The following AGBL1 variants were observed in gnomAD, a reference collection of about 807,000 sequenced individuals.
The protein encoded by AGBL1 is cytosolic carboxypeptidase 4.
AGBL1 carries 130 observed loss-of-function variants against 118.9 expected under a neutral mutation model. That is an observed-to-expected ratio of 1.09 (90% CI 0.95 to 1.26). AGBL1 has a LOEUF of 1.26. Among genes scored for constraint, AGBL1 ranks in the 50% most tolerant of loss-of-function variants. The pLI is 0.00. For synonymous variants in AGBL1, 555 were observed against 478.9 expected, an observed-to-expected ratio of 1.16 and a Z score of -2.08; for missense variants, 1,584 against 1,298.1, an observed-to-expected ratio of 1.22 and a Z score of -3.38.
At chr15:86,452,982 CA>C (rs1284517623) in intron 18 of AGBL1, among the ~76,000 whole-genome samples, 5 of 152,208 alleles carry the variant, frequency 3.3e-5, no homozygotes, top group Non-Finnish European at 5.9e-5. Context: ...GTGCTTTCTA[CA>C]TAGCACATCC....
At chr15:86,114,845 G>C (rs1413137208) in intron 1 of AGBL1, among the ~76,000 whole-genome samples, 1 of 152,222 alleles carries the variant, frequency 6.6e-6, no homozygotes, top group Non-Finnish European at 1.5e-5. Flanking sequence ...AACGCTACAA[G>C]TCTGTTTCTC....
At chr15:86,541,788 T>A (rs2083501214) in intron 19 of AGBL1, among the ~76,000 whole-genome samples, 1 of 152,024 alleles carries the variant, frequency 6.6e-6, no homozygotes, top group South Asian at 2.1e-4. Flanking sequence ...CTGAGCCAAT[T>A]TTTTTCAAGA....
intron 22 of AGBL1, among the ~76,000 whole-genome samples, chr15:86,741,415 A>AAAAAAAAAAAAAAAG (rs2077677872): frequency 7.6e-6 from 1 of 132,228 alleles, no homozygotes; most frequent in African/African-American, 2.8e-5. Flanking sequence ...AAAAAAAAAA[A>AAAAAAAAAAAAAAAG]AAAAAAGAAT....
chr15:87,022,347 A>ATGTT (rs1341353943), intron 24 of AGBL1, among the ~76,000 whole-genome samples: 1 of 152,066 alleles, frequency 6.6e-6, no homozygotes, highest in Non-Finnish European at 1.5e-5. Flanking sequence ...AGAATTCAGG[A>ATGTT]TGTTAGTTAT....
rs150693425 is a variant in AGBL1, at chr15:86,964,990, C to T, written c.3222-22997C>T. On this transcript the variant is annotated intron_variant, in intron 23 of 24. Coordinates refer to the AGBL1 transcript ENST00000441037. The stretch of plus-strand genomic sequence containing the variant: ...CCTTTTTTACAGCTGCATAGTATTC[C>T]GTGGTGTATATGTGCCACATTTTCT... 5.8e-3 allele frequency among the ~76,000 whole-genome samples: 883 copies of T among 152,214 alleles called. 6 individuals are homozygous for T. The highest frequency in any genetic ancestry group is 0.02 in the African/African-American group (840 of 41,536).
At chr15:86,859,319 A>T (rs1446725333) in intron 22 of AGBL1, among the ~76,000 whole-genome samples, 1 of 152,226 alleles carries the variant, frequency 6.6e-6, no homozygotes, top group East Asian at 1.9e-4. Context: ...TGTGCAAAGG[A>T]TATTCATGGG....
intron 19 of AGBL1, among the ~76,000 whole-genome samples, chr15:86,524,538 T>A (rs1264343285): frequency 6.6e-6 from 1 of 152,068 alleles, no homozygotes; most frequent in Non-Finnish European, 1.5e-5. Context: ...GTGTCCAGGG[T>A]TTTTGTTGGG....
chr15:86,896,460 C>A (rs1440382595), intron 22 of AGBL1, among the ~76,000 whole-genome samples: 1 of 151,140 alleles, frequency 6.6e-6, no homozygotes, highest in African/African-American at 2.4e-5. Flanking sequence ...CTCAAGTTTT[C>A]ACCAACAAGA....
intron 24 of AGBL1, among the ~76,000 whole-genome samples, chr15:86,990,912 G>A (rs1323805768): frequency 6.6e-6 from 1 of 152,120 alleles, no homozygotes; most frequent in Non-Finnish European, 1.5e-5. Flanking sequence ...TGCTTTATCT[G>A]GCTATGATTC....
intron 23 of AGBL1, among the ~76,000 whole-genome samples, chr15:86,951,507 T>C (rs2080880383): frequency 6.6e-6 from 1 of 152,228 alleles, no homozygotes; most frequent in African/African-American, 2.4e-5. Context: ...AAAGTGCAGC[T>C]GTACATGACA....
chr15:86,233,951 C>G lies in AGBL1; in HGVS notation c.526+9000C>G, dbSNP rs1315052584. On this transcript the variant is annotated intron_variant, in intron 6 of 22. Transcript: ENST00000614907. ...TCCCAGGCACCCATTCTGGGTCCAACACAGCTGTGGATGGTGGTGTTGAGT... is the reference window on the plus strand; with the variant it reads ...TCCCAGGCACCCATTCTGGGTCCAAGACAGCTGTGGATGGTGGTGTTGAGT... Among the ~76,000 whole-genome samples, 3 of 152,152 alleles carry G rather than the reference C, an allele frequency of 2.0e-5. No individual in the cohort carries two copies. In the South Asian group the frequency reaches 6.2e-4, roughly 32 times the overall value.
intron 5 of AGBL1, among the ~76,000 whole-genome samples, chr15:86,190,815 G>A (rs1196927692): frequency 2.0e-5 from 3 of 152,170 alleles, no homozygotes; most frequent in Non-Finnish European, 4.4e-5. Flanking sequence ...AACATAGAAG[G>A]TAACAATGTA....
At chr15:86,196,871 GCGCGCGCGCACACACACACACACACA>G (rs2077815996) in intron 5 of AGBL1, among the ~76,000 whole-genome samples, 2 of 99,628 alleles carry the variant, frequency 2.0e-5, no homozygotes, top group Middle Eastern at 4.9e-3. Context: ...GCACATGTGC[GCGCGCGCGCACACACACACACACACA>G]CACACACACA....
At chr15:86,198,768 G>A (rs370204652) in intron 5 of AGBL1, among the ~76,000 whole-genome samples, 7 of 152,020 alleles carry the variant, frequency 4.6e-5, no homozygotes, top group African/African-American at 9.7e-5. Context: ...CAAGAAGGGC[G>A]CCCTTAGCAG....
chr15:86,433,530 TG>T (rs2081965474), intron 18 of AGBL1, among the ~76,000 whole-genome samples: 1 of 152,134 alleles, frequency 6.6e-6, no homozygotes, highest in Non-Finnish European at 1.5e-5. Context: ...GCCCCTTGAC[TG>T]ACAGAGCAGC....
At chr15:86,854,110 C>T (rs2079445158) in intron 22 of AGBL1, among the ~76,000 whole-genome samples, 1 of 152,180 alleles carries the variant, frequency 6.6e-6, no homozygotes, top group Non-Finnish European at 1.5e-5. Context: ...TCTCCCTCCT[C>T]TGCATTTTCC....
intron 24 of AGBL1, among the ~76,000 whole-genome samples, chr15:87,004,525 G>C (rs566008613): frequency 2.6e-5 from 4 of 151,510 alleles, no homozygotes; most frequent in South Asian, 4.2e-4. Context: ...GCCTTTTTTT[G>C]TTTTCCATTT....
chr15:86,643,529 C>G (rs562194654), intron 21 of AGBL1, among the ~76,000 whole-genome samples: 1 of 152,152 alleles, frequency 6.6e-6, no homozygotes, highest in South Asian at 2.1e-4. Flanking sequence ...TTGTCGCTAA[C>G]TTCTCTTTTT....
intron 18 of AGBL1, among the ~76,000 whole-genome samples, chr15:86,500,893 C>A (rs73457643): frequency 0.08 from 12,063 of 151,728 alleles, 1,662 homozygotes; most frequent in African/African-American, 0.28. Context: ...TGTTATTCAT[C>A]ATCAGTTGAT....
Sources: gnomAD v4.1 joint callset for allele counts (sites outside exome capture counted in the v4.1 genomes callset) on GRCh38, gnomAD v4.1.1 for gene constraint, MANE v1.5 for transcripts, NCBI Gene and HGNC (gene_info 2026-07-23, HGNC 2026-07-21) for gene names.